Variants in HPSE2 observed in about 807,000 individuals in gnomAD.
The protein encoded by HPSE2 is inactive heparanase-2.
In HPSE2, 38 loss-of-function variants were observed where a neutral mutation model predicts 60.5. That is an observed-to-expected ratio of 0.63 (90% CI 0.48 to 0.82). The LOEUF (loss-of-function observed/expected upper bound fraction) is 0.82, where lower values mean the gene tolerates loss of function less well. HPSE2 is among the 40% of genes least tolerant of loss of function. HPSE2 has a pLI of 0.00. For missense variants in HPSE2, 713 were observed against 740.4 expected (o/e 0.96, Z 0.43); for synonymous variants, 295 against 293.2 (o/e 1.01, Z -0.06).
At chr10:98,656,676 T>TAA (rs1269703351) in intron 6 of HPSE2, among the ~76,000 whole-genome samples, 1 of 152,204 alleles carries the variant, frequency 6.6e-6, no homozygotes, top group African/African-American at 2.4e-5. Flanking sequence ...CACTAGATTT[T>TAA]GTTTTCCACT....
intron 3 of HPSE2, among the ~76,000 whole-genome samples, chr10:98,754,897 A>G (rs1949842462): frequency 6.6e-6 from 1 of 151,910 alleles, no homozygotes; most frequent in African/African-American, 2.4e-5. Flanking sequence ...ACTAAACATG[A>G]AAACAAAAGA....
chr10:98,927,054 C>T (rs577916758), intron 3 of HPSE2, among the ~76,000 whole-genome samples: 21 of 151,910 alleles, frequency 1.4e-4, no homozygotes, highest in Non-Finnish European at 2.4e-4. Context: ...TTGGAATAGG[C>T]GTGGTGCTGA....
intron 3 of HPSE2, among the ~76,000 whole-genome samples, chr10:98,896,285 T>A (rs774862234): frequency 1.9e-4 from 29 of 152,194 alleles, no homozygotes; most frequent in Non-Finnish European, 2.8e-4. Context: ...TGGCTAATTA[T>A]ACATTGGTGG....
intron 4 of HPSE2, among the ~76,000 whole-genome samples, chr10:98,723,657 G>A (rs926999789): frequency 6.6e-6 from 1 of 152,104 alleles, no homozygotes. Flanking sequence ...TTATTGGTCT[G>A]TTCAGAGATT....
chr10:99,137,864 T>C lies in HPSE2; in HGVS notation c.610+6374A>G, dbSNP rs147347152. ...TTCATGTCTAAAACACGAAAAGCAC[T>C]GGCAACAAAAACCAAAATTGACAAA... is the stretch of plus-strand genomic sequence containing the variant. On this transcript the variant is annotated intron_variant, in intron 3 of 11. Transcript: ENST00000370552. 2.3e-3 allele frequency among the ~76,000 whole-genome samples: 344 copies of C among 152,292 alleles called. 3 individuals carry two copies. Among genetic ancestry groups the C allele is most frequent in the African/African-American group, 8.0e-3 (334 of 41,570 alleles).
At chr10:98,612,720 T>C (rs1945795998) in intron 9 of HPSE2, among the ~76,000 whole-genome samples, 1 of 152,232 alleles carries the variant, frequency 6.6e-6, no homozygotes, top group Non-Finnish European at 1.5e-5. Flanking sequence ...GAACTGTACA[T>C]TGTTAAGTAT....
chr10:98,749,444 T>C (rs1031413231), intron 3 of HPSE2, among the ~76,000 whole-genome samples: 4 of 151,488 alleles, frequency 2.6e-5, no homozygotes, highest in South Asian at 2.1e-4. Context: ...TCTGTATATA[T>C]ACATATATGC....
chr10:98,857,084 G>A (rs1952335988), intron 3 of HPSE2, among the ~76,000 whole-genome samples: 1 of 152,120 alleles, frequency 6.6e-6, no homozygotes, highest in South Asian at 2.1e-4. Flanking sequence ...AGAATTAGTA[G>A]GGTCACTCAG....
chr10:99,223,117 A>G (rs931775278), intron 2 of HPSE2, among the ~76,000 whole-genome samples: 2 of 152,172 alleles, frequency 1.3e-5, no homozygotes, highest in Admixed American at 1.3e-4. Flanking sequence ...TGAAGGTTTA[A>G]TGATTGATAT....
chr10:99,263,621 C>T, the HPSE2 span, among the ~76,000 whole-genome samples: 1 of 152,280 alleles, frequency 6.6e-6, no homozygotes, highest in Admixed American at 6.5e-5. Context: ...GTTCCAACTT[C>T]TGTCCCTCAT....
Position 98,726,681 on chromosome 10 carries a change from G to A in HPSE2, c.785-4853C>T, listed in dbSNP as rs971775230. Among the ~76,000 whole-genome samples, 9 of 148,780 alleles carry A rather than the reference G, an allele frequency of 6.0e-5. No homozygotes were observed. In the East Asian group the frequency reaches 8.0e-4, roughly 13 times the overall value. On this transcript the variant is annotated intron_variant, in intron 4 of 11. Coordinates refer to ENST00000370552, the MANE Select transcript of HPSE2 (RefSeq NM_021828.5). ...TAATAATAATAAAAGAAATATAATA[G>A]GAAAATTTGGGGAATAAGGCAGCCA...
At chr10:98,695,938 A>T (rs898444650) in intron 5 of HPSE2, among the ~76,000 whole-genome samples, 13 of 152,166 alleles carry the variant, frequency 8.5e-5, no homozygotes, top group African/African-American at 3.1e-4. Flanking sequence ...AAATGAATAG[A>T]AGGAAAATTG....
At chr10:99,239,431 T>G (rs972059690), upstream of HPSE2, among the ~76,000 whole-genome samples, 48 of 133,630 alleles carry the variant, frequency 3.6e-4, no homozygotes, top group African/African-American at 1.3e-3. Flanking sequence ...TTTTTTTTTT[T>G]TTTTTTTTTT....
In HPSE2 at chr10:98,538,029, G is replaced by T. The variant is rs145994397; in HGVS notation, c.1321-47833C>A. On this transcript the variant is annotated intron_variant, in intron 9 of 11. Transcript: ENST00000370552. ...TCTCCTCTGCTTCGGCTACCTAAAA[G>T]GGAAGGGCCCCCCATCCTGTAATCA... 4.4e-3 allele frequency among the ~76,000 whole-genome samples: 675 copies of T among 152,284 alleles called. 7 individuals are homozygous for T. The highest frequency in any genetic ancestry group is 0.015 in the African/African-American group (635 of 41,544).
At chr10:98,876,955 A>G (rs1952893512) in intron 3 of HPSE2, among the ~76,000 whole-genome samples, 1 of 151,824 alleles carries the variant, frequency 6.6e-6, no homozygotes, top group Non-Finnish European at 1.5e-5. Flanking sequence ...GTCTTCACTG[A>G]GCTTTTCTGT....
At chr10:98,500,783 A>G (rs900298518) in intron 9 of HPSE2, among the ~76,000 whole-genome samples, 4 of 152,034 alleles carry the variant, frequency 2.6e-5, no homozygotes, top group Admixed American at 1.3e-4. Context: ...ATTAGCAAGA[A>G]TAACCAAGAA....
intron 3 of HPSE2, among the ~76,000 whole-genome samples, chr10:98,943,545 G>A (rs1955087334): frequency 6.6e-6 from 1 of 152,010 alleles, no homozygotes; most frequent in African/African-American, 2.4e-5. Context: ...AGGTCTGTGT[G>A]ACAAATAACA....
At chr10:98,863,011 G>A (rs974084612) in intron 3 of HPSE2, among the ~76,000 whole-genome samples, 3 of 152,054 alleles carry the variant, frequency 2.0e-5, no homozygotes, top group Non-Finnish European at 2.9e-5. Flanking sequence ...TGATCCTCTC[G>A]GCTTGGCCTC....
intron 3 of HPSE2, among the ~76,000 whole-genome samples, chr10:98,990,513 T>G (rs1044007936): frequency 6.6e-6 from 1 of 152,220 alleles, no homozygotes; most frequent in Non-Finnish European, 1.5e-5. Flanking sequence ...CCCTGCCACT[T>G]AGCTCCTGCT....
Sources: allele counts gnomAD v4.1 joint callset (sites outside exome capture counted in the v4.1 genomes callset), GRCh38; gene constraint gnomAD v4.1.1; transcripts MANE v1.5; gene names NCBI Gene and HGNC (gene_info 2026-07-23, HGNC 2026-07-21).